Variants in TMEM117 observed in about 807,000 individuals in gnomAD.
The protein encoded by TMEM117 is transmembrane protein 117.
Under a neutral mutation model 52.4 loss-of-function variants are expected in TMEM117, and 27 were observed. The observed-to-expected ratio is 0.51, with a 90% CI of 0.38 to 0.71. The LOEUF is 0.71. Among genes scored for constraint, TMEM117 ranks in the 30% least tolerant of loss-of-function variants. The pLI is 0.00. For synonymous variants in TMEM117, 215 were observed against 206.3 expected (o/e 1.04, Z -0.36); for missense variants, 556 against 630.5 (o/e 0.88, Z 1.26).
chr12:44,040,761 G>T (rs1477182502), intron 3 of TMEM117, among the ~76,000 whole-genome samples: 1 of 151,984 alleles, frequency 6.6e-6, no homozygotes, highest in African/African-American at 2.4e-5. Flanking sequence ...TTTTGATATT[G>T]TCCTTGTTGG....
At chr12:44,169,137 T>C (rs1331464726) in intron 4 of TMEM117, among the ~76,000 whole-genome samples, 2 of 152,370 alleles carry the variant, frequency 1.3e-5, no homozygotes, top group Non-Finnish European at 2.9e-5. Flanking sequence ...CTTTTGGCTA[T>C]TGTAAATAAG....
At chr12:44,295,894 T>G (rs781409048) in intron 5 of TMEM117, among the ~76,000 whole-genome samples, 4 of 152,174 alleles carry the variant, frequency 2.6e-5, no homozygotes, top group Non-Finnish European at 5.9e-5. Context: ...GTTTATCTAA[T>G]TCTTTATTGT....
intron 5 of TMEM117, among the ~76,000 whole-genome samples, chr12:44,233,053 T>G (rs1949952298): frequency 6.6e-6 from 1 of 151,396 alleles, no homozygotes; most frequent in South Asian, 2.1e-4. Flanking sequence ...CTTATTAATA[T>G]CATATCTCTT....
At chr12:44,381,648 T>A (rs1054871543) in intron 7 of TMEM117, among the ~76,000 whole-genome samples, 1 of 152,168 alleles carries the variant, frequency 6.6e-6, no homozygotes, top group African/African-American at 2.4e-5. Flanking sequence ...AAATGGAACA[T>A]GTAGAAGTAA....
At position 44,051,200 on chromosome 12, in the gene TMEM117, A is replaced by T. The variant is rs150115554; in HGVS notation, c.411-92325A>T. Among the ~76,000 whole-genome samples the T allele has an allele frequency of 8.9e-4, 136 of 152,290 alleles. 2 individuals are homozygous for T. The highest frequency in any genetic ancestry group is 1.5e-3 in the Non-Finnish European group (100 of 68,028). On this transcript the variant is annotated intron_variant, in intron 3 of 7. Coordinates refer to ENST00000266534, the MANE Select transcript of TMEM117 (RefSeq NM_032256.3). ...TGGATGCCCTTGAAGTCCTGAGAGG[A>T]CCTTGTGGCCTCAAAATATGATAAA... is the stretch of plus-strand genomic sequence containing the variant.
At chr12:43,929,288 T>A (rs1445424441) in intron 2 of TMEM117, among the ~76,000 whole-genome samples, 1 of 152,166 alleles carries the variant, frequency 6.6e-6, no homozygotes, top group Non-Finnish European at 1.5e-5. Context: ...TTTGGATAAA[T>A]AAAATATTTT....
At chr12:44,241,450 T>C (rs1299508280) in intron 5 of TMEM117, among the ~76,000 whole-genome samples, 2 of 152,014 alleles carry the variant, frequency 1.3e-5, no homozygotes, top group African/African-American at 4.8e-5. Flanking sequence ...ATGAGATTGA[T>C]AATTTTCTTA....
intron 3 of TMEM117, among the ~76,000 whole-genome samples, chr12:44,082,770 G>A (rs1190224775): frequency 2.0e-5 from 3 of 152,028 alleles, no homozygotes; most frequent in Non-Finnish European, 2.9e-5. Flanking sequence ...TCAGGAATCA[G>A]AACAATACTA....
chr12:44,030,074 G>C (rs377549598), intron 3 of TMEM117, among the ~76,000 whole-genome samples: 1 of 152,134 alleles, frequency 6.6e-6, no homozygotes, highest in Non-Finnish European at 1.5e-5. Flanking sequence ...TTAAAAATAA[G>C]AGCTTAAATC....
chr12:43,840,053 C>T (rs1943093130), intron 1 of TMEM117, among the ~76,000 whole-genome samples: 1 of 152,118 alleles, frequency 6.6e-6, no homozygotes, highest in African/African-American at 2.4e-5. Flanking sequence ...TTCCTTTGTG[C>T]CTTTGCACAA....
chr12:44,023,988 T>C (rs1235563208), intron 3 of TMEM117, among the ~76,000 whole-genome samples: 1 of 151,956 alleles, frequency 6.6e-6, no homozygotes, highest in Non-Finnish European at 1.5e-5. Context: ...GGAAAACCCA[T>C]GGATTTAACT....
At chr12:43,862,223 C>A (rs1592314707) in intron 2 of TMEM117, among the ~76,000 whole-genome samples, 1 of 152,174 alleles carries the variant, frequency 6.6e-6, no homozygotes, top group Non-Finnish European at 1.5e-5. Context: ...GGCTGGAGTG[C>A]AGTGGTGTGC....
chr12:44,201,662 G>A (rs1949497265), intron 4 of TMEM117, among the ~76,000 whole-genome samples: 1 of 152,064 alleles, frequency 6.6e-6, no homozygotes, highest in South Asian at 2.1e-4. Context: ...CAATGTTAAG[G>A]CAATAAAGGA....
intron 4 of TMEM117, among the ~76,000 whole-genome samples, chr12:44,180,988 A>G (rs1415716094): frequency 1.3e-5 from 2 of 152,002 alleles, no homozygotes; most frequent in African/African-American, 2.4e-5. Flanking sequence ...AAGTGTTCCT[A>G]TTTCTCCACA....
chr12:44,002,730 CTCCCTG>C (rs1370580664), intron 3 of TMEM117, among the ~76,000 whole-genome samples: 1 of 152,174 alleles, frequency 6.6e-6, no homozygotes, highest in East Asian at 1.9e-4. Context: ...GTTTCCCTGG[CTCCCTG>C]TCCCTTCTTC....
chr12:44,388,616 A>G lies in TMEM117; in HGVS notation c.1489A>G (p.Ser497Gly), dbSNP rs779676568. ...GAGCTCACAGTTGAACGAATCTACT[A>G]GTGCAACAGAAGCTGATCAAGACCC... ...NLSSQLNEST[S>G]ATEADQDPTT... The change falls in exon 8 of 8, where the codon AGT (serine) becomes GGT (glycine). Residue 497 changes from serine to glycine, a missense_variant. By Grantham distance (56) the Ser-to-Gly change is moderately conservative. Coordinates refer to ENST00000266534, the MANE Select transcript of TMEM117 (RefSeq NM_032256.3). 3 of 1,613,380 alleles carry G rather than the reference A, an allele frequency of 1.9e-6. No homozygotes were observed. Among genetic ancestry groups the G allele is most frequent in the Non-Finnish European group, 2.5e-6 (3 of 1,179,568 alleles).
At chr12:44,084,932 G>A (rs1947542150) in intron 3 of TMEM117, among the ~76,000 whole-genome samples, 1 of 152,138 alleles carries the variant, frequency 6.6e-6, no homozygotes. Context: ...TGAAACGCTT[G>A]CTTCTCTGTA....
intron 2 of TMEM117, among the ~76,000 whole-genome samples, chr12:43,918,808 C>T (rs899253189): frequency 1.3e-5 from 2 of 152,186 alleles, no homozygotes; most frequent in African/African-American, 4.8e-5. Flanking sequence ...TCTGAAAATA[C>T]TTTCTTCAGT....
chr12:44,221,588 A>T (rs1228834857), intron 5 of TMEM117, among the ~76,000 whole-genome samples: 1 of 152,206 alleles, frequency 6.6e-6, no homozygotes, highest in Non-Finnish European at 1.5e-5. Flanking sequence ...CAAAATTTTA[A>T]ATTAGTAATT....
Sources: allele counts gnomAD v4.1 joint callset (sites outside exome capture counted in the v4.1 genomes callset), GRCh38; gene constraint gnomAD v4.1.1; transcripts MANE v1.5; gene names NCBI Gene and HGNC (gene_info 2026-07-23, HGNC 2026-07-21).